Variants in GKAP1 observed in about 807,000 individuals in gnomAD.
GKAP1 encodes G kinase-anchoring protein 1.
In GKAP1, 31 loss-of-function variants were observed where a neutral mutation model predicts 56.7. That is an observed-to-expected ratio of 0.55 (90% confidence interval 0.41 to 0.74). GKAP1 has a LOEUF of 0.74. GKAP1 is among the 30% of genes least tolerant of loss of function. The pLI is 0.00. For synonymous variants in GKAP1, 151 were observed against 138.6 expected, an observed-to-expected ratio of 1.09 and a Z score of -0.63; for missense variants, 364 against 402.3, an observed-to-expected ratio of 0.90 and a Z score of 0.82.
intron 3 of GKAP1, among the ~76,000 whole-genome samples, chr9:83,804,523 TG>T (rs1298369300): frequency 0.029 from 1,497 of 51,510 alleles, 51 homozygotes; most frequent in Non-Finnish European, 0.039. Context: ...GGGAGGGAGG[TG>T]GGGGGGTCAG....
At chr9:83,764,147 T>C (rs1943621983) in intron 8 of GKAP1, among the ~76,000 whole-genome samples, 1 of 152,188 alleles carries the variant, frequency 6.6e-6, no homozygotes. Context: ...TAACCATAAA[T>C]GTTAATTAAC....
In GKAP1 at chr9:83,779,448, T is replaced by TACACACACACACACACACACAC. The variant is rs368970118; in HGVS notation, c.585+933_585+934insGTGTGTGTGTGTGTGTGTGTGT. Among the ~76,000 whole-genome samples, 11 of 119,612 alleles carry TACACACACACACACACACACAC rather than the reference T, an allele frequency of 9.2e-5. No homozygotes were observed. In the East Asian group the frequency reaches 1.1e-3, roughly 12 times the overall value. The allele number at this position is 119,612 out of a possible 152,430, so 78.5% of individuals were successfully genotyped here. On this transcript the variant is annotated intron_variant, in intron 7 of 12. Coordinates refer to ENST00000376371, the MANE Select transcript of GKAP1 (RefSeq NM_025211.4). Reference sequence around the variant, plus strand: ...AGCCATATATATATATATATATATATACACACACACACACACGCACATATA... The same window carrying TACACACACACACACACACACAC: ...AGCCATATATATATATATATATATATACACACACACACACACACACACACACACACACACACACGCACATATA...
chr9:83,811,848 C>T (rs1270013748), intron 2 of GKAP1, among the ~76,000 whole-genome samples: 2 of 151,646 alleles, frequency 1.3e-5, no homozygotes, highest in South Asian at 2.1e-4. Context: ...GATGAAACAA[C>T]TGGAAGAGTT....
At chr9:83,784,365 C>G (rs1305365546) in intron 6 of GKAP1, among the ~76,000 whole-genome samples, 1 of 149,770 alleles carries the variant, frequency 6.7e-6, no homozygotes, top group Non-Finnish European at 1.5e-5. Context: ...TCCACCCTCA[C>G]AGGTGGGATT....
At chr9:83,742,429 T>C (rs1035037722) in intron 11 of GKAP1, 101 bp downstream of exon 11, 4 of 724,710 alleles carry the variant, frequency 5.5e-6, no homozygotes, top group African/African-American at 3.5e-5. Context: ...TAATTTATAC[T>C]ACATCCTTAC....
chr9:83,775,679 C>T (rs1327531437), intron 7 of GKAP1, among the ~76,000 whole-genome samples: 1 of 151,584 alleles, frequency 6.6e-6, no homozygotes, highest in Non-Finnish European at 1.5e-5. Context: ...AGTTTGAGAC[C>T]AGCCTGAGCA....
intron 2 of GKAP1, among the ~76,000 whole-genome samples, chr9:83,808,049 T>C (rs115857094): frequency 0.01 from 1,548 of 152,346 alleles, 26 homozygotes; most frequent in African/African-American, 0.035. Flanking sequence ...CATTAAGTCA[T>C]AGCATTTTAT....
rs1423296628 is a variant in GKAP1, at chr9:83,804,346, TG to T, written c.216+1955del. Among the ~76,000 whole-genome samples, 53 of 82,436 alleles carry T rather than the reference TG, an allele frequency of 6.4e-4. 1 individual carries two copies. The East Asian group carries it at 0.019, about 29-fold the overall frequency. The allele number at this position is 82,436 out of a possible 152,430, so 54.1% of individuals were successfully genotyped here. A position where few individuals can be genotyped will look rare whatever the true frequency, so the allele number is the denominator to read the frequency against. ...CCAGCCGCCCCATCCGGGAGGGAGG[TG>T]GGGGGGTCAGCCCCCCGCCCGGCCA... On this transcript the variant is annotated intron_variant, in intron 3 of 12. Transcript: ENST00000376371.
intron 4 of GKAP1, chr9:83,792,920 A>C: frequency 1.2e-6 from 1 of 813,032 alleles, no homozygotes; most frequent in Non-Finnish European, 1.6e-6. Flanking sequence ...GCAGGCACTA[A>C]AATGCCTACA....
intron 7 of GKAP1, among the ~76,000 whole-genome samples, chr9:83,771,250 T>C (rs1309462369): frequency 6.6e-6 from 1 of 151,810 alleles, no homozygotes; most frequent in Non-Finnish European, 1.5e-5. Flanking sequence ...GTTTGTTTGT[T>C]TGTTTGTTTG....
At chr9:83,801,499 G>T (rs1013087445) in intron 3 of GKAP1, among the ~76,000 whole-genome samples, 6 of 151,896 alleles carry the variant, frequency 4.0e-5, no homozygotes, top group African/African-American at 1.5e-4. Context: ...AAGTAATTGT[G>T]GTTTTTACCA....
In GKAP1 at chr9:83,816,660, C is replaced by A. The variant is rs182179028; in HGVS notation, c.-44+336G>T. 1.8e-4 allele frequency among the ~76,000 whole-genome samples: 27 copies of A among 152,322 alleles called. No homozygotes were observed. The East Asian group carries it at 3.3e-3, about 18-fold the overall frequency. ...TACAATCCCAAGCACATTTACTACA[C>A]AACAGACAATGCTAAATGGTGAAGA... On this transcript the variant is annotated intron_variant, in intron 2 of 12. Transcript: ENST00000376371.
chr9:83,765,992 C>T (rs796904324), intron 8 of GKAP1, among the ~76,000 whole-genome samples: 16 of 152,120 alleles, frequency 1.1e-4, no homozygotes, highest in African/African-American at 2.9e-4. Flanking sequence ...TGGGAGGGGC[C>T]GGGGCAGAAT....
chr9:83,773,459 C>T (rs1943797841), intron 7 of GKAP1, among the ~76,000 whole-genome samples: 1 of 152,020 alleles, frequency 6.6e-6, no homozygotes, highest in African/African-American at 2.4e-5. Context: ...GCTGCACAAC[C>T]ATGAGTGAAT....
intron 12 of GKAP1, among the ~76,000 whole-genome samples, chr9:83,741,348 T>TA (rs1308470890): frequency 5.7e-5 from 7 of 123,772 alleles, no homozygotes; most frequent in African/African-American, 2.0e-4. Context: ...TACACACACA[T>TA]AAATATATCT....
intron 12 of GKAP1, among the ~76,000 whole-genome samples, chr9:83,741,056 A>C (rs919518973): frequency 1.3e-5 from 2 of 152,150 alleles, no homozygotes; most frequent in Non-Finnish European, 2.9e-5. Flanking sequence ...AAAAATAAAA[A>C]TAAACTTAGC....
chr9:83,797,191 T>G (rs1435815473), intron 4 of GKAP1, among the ~76,000 whole-genome samples: 1 of 152,190 alleles, frequency 6.6e-6, no homozygotes, highest in Non-Finnish European at 1.5e-5. Context: ...ATATGGTGAT[T>G]TAGGAGTAGG....
intron 7 of GKAP1, among the ~76,000 whole-genome samples, chr9:83,770,509 G>A (rs1274187758): frequency 6.6e-6 from 1 of 151,580 alleles, no homozygotes; most frequent in Non-Finnish European, 1.5e-5. Context: ...TCTTATGCCA[G>A]TACCAGATTG....
chr9:83,785,772 A>C (rs1018181696), intron 5 of GKAP1, among the ~76,000 whole-genome samples: 6 of 152,206 alleles, frequency 3.9e-5, no homozygotes, highest in Non-Finnish European at 7.3e-5. Context: ...ACGCTGCTAC[A>C]TGAGTTTCTA....
Sources: gnomAD v4.1 joint callset for allele counts (sites outside exome capture counted in the v4.1 genomes callset) on GRCh38, gnomAD v4.1.1 for gene constraint, MANE v1.5 for transcripts, NCBI Gene and HGNC (gene_info 2026-07-23, HGNC 2026-07-21) for gene names.